ARID2: variants seen among roughly 807,000 people sequenced by gnomAD.
ARID2 encodes the protein AT-rich interactive domain-containing protein 2.
ARID2 carries 32 observed loss-of-function variants against 184.6 expected under a neutral mutation model. The ratio of observed to expected loss-of-function variants is 0.17; its 90% CI spans 0.13 to 0.23. The LOEUF (loss-of-function observed/expected upper bound fraction) is 0.23. Ranked by LOEUF, ARID2 falls within the 10% of genes least tolerant of loss-of-function variation. The pLI, the probability that ARID2 is intolerant of heterozygous loss-of-function variation, is 1.00. For missense variants in ARID2, 1,696 were observed against 2,197.6 expected (o/e 0.77, Z 4.56); for synonymous variants, 836 against 772.6 (o/e 1.08, Z -1.36).
At chr12:45,749,658 T>C (rs1459329452) in intron 3 of ARID2, among the ~76,000 whole-genome samples, 3 of 152,218 alleles carry the variant, frequency 2.0e-5, no homozygotes, top group Non-Finnish European at 4.4e-5. Flanking sequence ...TGTAGCCAGT[T>C]CTATCATTTA....
intron 20 of ARID2, among the ~76,000 whole-genome samples, chr12:45,894,771 G>A (rs1055199080): frequency 1.3e-5 from 2 of 151,932 alleles, no homozygotes; most frequent in African/African-American, 4.8e-5. Flanking sequence ...AACCATATGA[G>A]AATACCAGTA....
At position 45,840,071 on chromosome 12, in the gene ARID2, C is replaced by CT. The variant is rs1423028080; in HGVS notation, c.1498+576dup. The CT allele has an allele frequency of 2.6e-5, 4 of 152,352 alleles. No homozygotes were observed. The East Asian group carries it at 7.7e-4, about 29-fold the overall frequency. The allele number at this position is 152,352 out of a possible 1,614,324, so 9.4% of individuals were successfully genotyped here. On this transcript the variant is annotated intron_variant, in intron 11 of 20. Transcript: ENST00000334344. ...AACTGTAATTATAGTACAGACATGTCTAATAACCAGACTTCAGTCCTTGAA... is the reference window on the plus strand; with the variant it reads ...AACTGTAATTATAGTACAGACATGTCTTAATAACCAGACTTCAGTCCTTGAA...
chr12:45,772,572 A>G (rs1271435326), intron 3 of ARID2, among the ~76,000 whole-genome samples: 7 of 152,238 alleles, frequency 4.6e-5, no homozygotes, highest in Non-Finnish European at 1.0e-4. Flanking sequence ...TATGCAAATT[A>G]TAACCATAAG....
At chr12:45,869,664 C>G (rs1296044437) in intron 16 of ARID2, among the ~76,000 whole-genome samples, 1 of 151,908 alleles carries the variant, frequency 6.6e-6, no homozygotes, top group Non-Finnish European at 1.5e-5. Flanking sequence ...AGATGGATCA[C>G]TTGAGGTCAG....
chr12:45,836,153 G>T (rs1262344599), intron 6 of ARID2, among the ~76,000 whole-genome samples: 2 of 152,100 alleles, frequency 1.3e-5, no homozygotes, highest in Non-Finnish European at 2.9e-5. Flanking sequence ...ATATCCACAT[G>T]AACTAAAAAT....
At chr12:45,812,843 T>C (rs998218705) in intron 4 of ARID2, among the ~76,000 whole-genome samples, 4 of 152,218 alleles carry the variant, frequency 2.6e-5, no homozygotes, top group Admixed American at 2.6e-4. Context: ...ATTACAATAA[T>C]AGCAGAGCTA....
chr12:45,901,137 T>A (rs990982455), intron 20 of ARID2, among the ~76,000 whole-genome samples: 1 of 150,418 alleles, frequency 6.6e-6, no homozygotes, highest in African/African-American at 2.4e-5. Flanking sequence ...TTAATCTATT[T>A]TTTGGAAATT....
chr12:45,731,819 G>C (rs1941008658), intron 3 of ARID2, among the ~76,000 whole-genome samples: 1 of 151,648 alleles, frequency 6.6e-6, no homozygotes, highest in Non-Finnish European at 1.5e-5. Flanking sequence ...ATAACATGTT[G>C]GTGGCTTAGG....
intron 3 of ARID2, among the ~76,000 whole-genome samples, chr12:45,791,490 CTA>C (rs1942288891): frequency 6.6e-6 from 1 of 152,076 alleles, no homozygotes; most frequent in South Asian, 2.1e-4. Context: ...TTACAACTGT[CTA>C]TTAATATGTG....
chr12:45,804,583 A>G (rs1277620982), intron 3 of ARID2, among the ~76,000 whole-genome samples: 1 of 151,954 alleles, frequency 6.6e-6, no homozygotes, highest in Non-Finnish European at 1.5e-5. Context: ...GATTTTCAGC[A>G]TAGCTTCCAA....
chr12:45,745,371 G>A (rs1941335559), intron 3 of ARID2, among the ~76,000 whole-genome samples: 1 of 152,112 alleles, frequency 6.6e-6, no homozygotes, highest in Admixed American at 6.5e-5. Flanking sequence ...ACTTTTCCAG[G>A]TAGGCCTGCG....
chr12:45,743,963 T>TA (rs1376712679), intron 3 of ARID2, among the ~76,000 whole-genome samples: 1 of 152,184 alleles, frequency 6.6e-6, no homozygotes, highest in Non-Finnish European at 1.5e-5. Flanking sequence ...CCTGCTGCCT[T>TA]ACTAAATTGT....
chr12:45,787,500 G>T (rs1318771408), intron 3 of ARID2, among the ~76,000 whole-genome samples: 5 of 151,990 alleles, frequency 3.3e-5, no homozygotes, highest in Admixed American at 2.6e-4. Flanking sequence ...CTCCCAAAGT[G>T]CTGGGATTAT....
intron 20 of ARID2, among the ~76,000 whole-genome samples, chr12:45,896,027 T>C (rs551332505): frequency 5.1e-4 from 78 of 152,232 alleles, no homozygotes; most frequent in South Asian, 8.3e-4. Context: ...TACCAAAGTA[T>C]TCTACAGATT....
chr12:45,898,762 T>A (rs1307598134), intron 20 of ARID2, among the ~76,000 whole-genome samples: 1 of 150,542 alleles, frequency 6.6e-6, no homozygotes, highest in Non-Finnish European at 1.5e-5. Context: ...CTAAAAAATA[T>A]AAAAATTAGC....
chr12:45,876,527 G>C lies in ARID2; in HGVS notation c.4923-15253G>C, dbSNP rs376185823. 3.4e-4 allele frequency among the ~76,000 whole-genome samples: 51 copies of C among 150,584 alleles called. No homozygotes were observed. The South Asian group carries it at 5.7e-3, about 17-fold the overall frequency. ...GATTGTGCCGTTGCACTCCAGCCTG[G>C]GCAACAAGAGCGAAACTCCATCTCA... On this transcript the variant is annotated intron_variant, in intron 16 of 20. Coordinates refer to ENST00000334344, the MANE Select transcript of ARID2 (RefSeq NM_152641.4).
chr12:45,863,664 A>G (rs1298285759), intron 16 of ARID2, among the ~76,000 whole-genome samples: 2 of 151,770 alleles, frequency 1.3e-5, no homozygotes, highest in African/African-American at 2.4e-5. Flanking sequence ...CTTTACCTAT[A>G]TATTATTGTA....
chr12:45,907,267 T>C lies in ARID2; in HGVS notation c.*2189T>C, dbSNP rs1944541505. 1 of 232,944 alleles carries C rather than the reference T, an allele frequency of 4.3e-6. No individual in the cohort carries two copies. The highest frequency in any genetic ancestry group is 1.8e-4 in the South Asian group (1 of 5,518). 14.4% of individuals were successfully genotyped at this position (232,944 alleles called of 1,614,324 possible). On this transcript the variant is annotated 3_prime_UTR_variant, in exon 21 of 21. Coordinates refer to ENST00000334344, the MANE Select transcript of ARID2 (RefSeq NM_152641.4). The stretch of plus-strand genomic sequence containing the variant: ...TCTATTCACCGTACTTATCCAAAAA[T>C]CTCTTTTAAAAAGTAAATTTGTGCA...
At chr12:45,790,452 C>T (rs1409164355) in intron 3 of ARID2, among the ~76,000 whole-genome samples, 1 of 152,092 alleles carries the variant, frequency 6.6e-6, no homozygotes, top group Non-Finnish European at 1.5e-5. Context: ...AGCCTTCTAA[C>T]TCATGAAAAT....
Sources: gnomAD v4.1 joint callset for allele counts (sites outside exome capture counted in the v4.1 genomes callset) on GRCh38, gnomAD v4.1.1 for gene constraint, MANE v1.5 for transcripts, NCBI Gene and HGNC (gene_info 2026-07-23, HGNC 2026-07-21) for gene names.